The following DDX59 variants were observed in gnomAD, a reference collection of about 807,000 sequenced individuals.
DDX59 encodes probable ATP-dependent RNA helicase DDX59.
DDX59 carries 30 observed loss-of-function variants against 51.9 expected under a neutral mutation model. The observed-to-expected ratio is 0.58, with a 90% CI of 0.43 to 0.78. DDX59 has a LOEUF of 0.78. Among genes scored for constraint, DDX59 ranks in the 30% least tolerant of loss-of-function variants. DDX59 has a pLI of 0.00. For missense variants in DDX59, 672 were observed against 730.8 expected (o/e 0.92, Z 0.93); for synonymous variants, 255 against 253.3 (o/e 1.01, Z -0.06).
At chr1:200,648,652 GCTTACTTCAATATTTTT>G (rs1661454215) in intron 6 of DDX59, 85 bp from the exon 7 acceptor site, 36 of 1,412,008 alleles carry the variant, frequency 2.5e-5, no homozygotes, top group Non-Finnish European at 3.2e-5. Flanking sequence ...TTTTTATAAT[GCTTACTTCAATATTTTT>G]ATTGCAATAT....
chr1:200,654,595 T>A (rs59551987), intron 4 of DDX59: 2 of 151,842 alleles, frequency 1.3e-5, no homozygotes, highest in South Asian at 2.1e-4. Flanking sequence ...AAGAAAAAAA[T>A]TTAAAAATCT....
chr1:200,657,839 C>T (rs982387957), intron 4 of DDX59, among the ~76,000 whole-genome samples: 22 of 151,846 alleles, frequency 1.4e-4, no homozygotes, highest in African/African-American at 4.6e-4. Context: ...ACCACTTGAA[C>T]GCAGGAGGTG....
intron 3 of DDX59, among the ~76,000 whole-genome samples, chr1:200,661,647 G>A (rs1662380573): frequency 6.6e-6 from 1 of 152,224 alleles, no homozygotes; most frequent in Non-Finnish European, 1.5e-5. Flanking sequence ...AATTGAAGGA[G>A]ATGACAAAGA....
chr1:200,666,915 C>T (rs1662803119), intron 1 of DDX59, among the ~76,000 whole-genome samples, 164 bp from the exon 2 acceptor site: 1 of 151,648 alleles, frequency 6.6e-6, no homozygotes, highest in African/African-American at 2.4e-5. Flanking sequence ...TGAGACCAGC[C>T]TGGCCAACAT....
chr1:200,642,285 C>CA (rs1408829635), downstream of DDX59, among the ~76,000 whole-genome samples: 2 of 152,068 alleles, frequency 1.3e-5, no homozygotes, highest in Non-Finnish European at 2.9e-5. Flanking sequence ...GTAATTCTCA[C>CA]AAAAATCTAT....
At chr1:200,653,482 C>T (rs1300958892) in intron 4 of DDX59, among the ~76,000 whole-genome samples, 1 of 152,168 alleles carries the variant, frequency 6.6e-6, no homozygotes, top group Non-Finnish European at 1.5e-5. Flanking sequence ...AGACTGCTCG[C>T]AATCCCGTCA....
chr1:200,647,736 C>T (rs1439019629), intron 7 of DDX59, among the ~76,000 whole-genome samples: 1 of 151,534 alleles, frequency 6.6e-6, no homozygotes, highest in Non-Finnish European at 1.5e-5. Context: ...CTTTGGGAGG[C>T]CAAGGCGGGA....
intron 4 of DDX59, among the ~76,000 whole-genome samples, chr1:200,655,857 T>C (rs1461499915): frequency 6.6e-6 from 1 of 150,968 alleles, no homozygotes; most frequent in Non-Finnish European, 1.5e-5. Context: ...TGAGACGGAG[T>C]TTCACTCTTG....
chr1:200,667,907 A>G (rs1469253052), intron 1 of DDX59, among the ~76,000 whole-genome samples: 1 of 152,160 alleles, frequency 6.6e-6, no homozygotes, highest in Admixed American at 6.5e-5. Flanking sequence ...TAATGAAAAA[A>G]TAATATAGTA....
chr1:200,658,714 CACTG>C (rs1258753574), intron 4 of DDX59, among the ~76,000 whole-genome samples: 2 of 152,052 alleles, frequency 1.3e-5, no homozygotes, highest in African/African-American at 4.8e-5. Context: ...CATTACTTGA[CACTG>C]ACTATTTTTG....
At chr1:200,648,316 G>A in intron 7 of DDX59, 123 bp downstream of exon 7, 1 of 1,324,804 alleles carries the variant, frequency 7.5e-7, no homozygotes, top group South Asian at 1.4e-5. Flanking sequence ...CAAAGTGCTG[G>A]GATTACAGGT....
downstream of DDX59, chr1:200,641,167 A>G (rs545981801): frequency 2.1e-4 from 276 of 1,304,450 alleles, 4 homozygotes; most frequent in South Asian, 3.3e-3. Flanking sequence ...TAAACTTCAT[A>G]TTGATTGTGG....
At chr1:200,655,372 C>T (rs1558122427) in intron 4 of DDX59, among the ~76,000 whole-genome samples, 1 of 151,902 alleles carries the variant, frequency 6.6e-6, no homozygotes. Flanking sequence ...ACCCCTTACC[C>T]CTGTCTGGAT....
chr1:200,667,806 AAT>A (rs139382495), intron 1 of DDX59, among the ~76,000 whole-genome samples: 17,963 of 151,500 alleles, frequency 0.12, 1,548 homozygotes, highest in East Asian at 0.41. Context: ...AGCATTGCCT[AAT>A]ATATATATAT....
At chr1:200,648,031 G>C (rs374479780) in intron 7 of DDX59, among the ~76,000 whole-genome samples, 1 of 124,706 alleles carries the variant, frequency 8.0e-6, no homozygotes, top group Admixed American at 7.8e-5. Context: ...GCTTTTTTTT[G>C]GGGGGGGGGA....
intron 3 of DDX59, among the ~76,000 whole-genome samples, chr1:200,662,976 CA>C (rs1662474092): frequency 6.6e-6 from 1 of 152,212 alleles, no homozygotes; most frequent in Non-Finnish European, 1.5e-5. Flanking sequence ...CATTAATTAT[CA>C]ACCTGTAATT....
In DDX59 at chr1:200,649,627, A is replaced by C. The variant is rs1443195249; in HGVS notation, c.1315-401T>G. Among the ~76,000 whole-genome samples the C allele has an allele frequency of 6.4e-5, 3 of 46,700 alleles. No homozygotes were observed. The Admixed American group carries it at 7.0e-4, about 11-fold the overall frequency. The allele number at this position is 46,700 out of a possible 152,430, so 30.6% of individuals were successfully genotyped here. ...CTGGGCAACAGAGTGAGATTCCGTC[A>C]CAAAAAAAAAAAAAAACACAAAACA... On this transcript the variant is annotated intron_variant, in intron 5 of 7. Transcript: ENST00000331314.
intron 2 of DDX59, 137 bp from the exon 3 acceptor site, chr1:200,664,223 CTT>C: frequency 1.0e-5 from 9 of 863,956 alleles, no homozygotes; most frequent in Non-Finnish European, 1.5e-5. Context: ...CTGCCTTCTG[CTT>C]ACTGCAGACT....
Position 200,650,630 on chromosome 1 carries a change from A to G in DDX59, c.1109T>C (p.Ile370Thr), listed in dbSNP as rs1661599547. ...KMGFQQQVLD[I>T]LENIPNDCQT... is the part of the protein sequence containing the mutation. ...ACAATCATTAGGAATGTTTTCCAAA[A>G]TGTCAAGCACTTGTTGTTGAAAACC... The change falls in exon 5 of 8, where the codon ATT becomes ACT. Residue 370 changes from isoleucine to threonine, a missense_variant. Ile to Thr is a moderately conservative substitution (Grantham distance 89). Transcript: ENST00000331314. 6.2e-7 allele frequency: 1 copy of G among 1,613,982 alleles called. No homozygotes were observed. Among genetic ancestry groups the G allele is most frequent in the Non-Finnish European group, 8.5e-7 (1 of 1,179,890 alleles).
Sources: allele counts gnomAD v4.1 joint callset (sites outside exome capture counted in the v4.1 genomes callset), GRCh38; gene constraint gnomAD v4.1.1; transcripts MANE v1.5; gene names NCBI Gene and HGNC (gene_info 2026-07-23, HGNC 2026-07-21).